TSNAX: variants seen among roughly 807,000 people sequenced by gnomAD.
TSNAX encodes the protein translin associated factor X.
A neutral mutation model predicts 33.0 loss-of-function variants in TSNAX; 12 were observed. The ratio of observed to expected loss-of-function variants is 0.36; its 90% CI spans 0.23 to 0.59. The LOEUF (loss-of-function observed/expected upper bound fraction) is 0.59, where lower values mean the gene tolerates loss of function less well. TSNAX is among the 20% of genes least tolerant of loss of function. The probability of loss-of-function intolerance (pLI) is 0.74; values close to 1 mark genes in which losing one functional copy is unlikely to be tolerated. For missense variants in TSNAX, 267 were observed against 341.3 expected (o/e 0.78, Z 1.72); for synonymous variants, 110 against 117.2 (o/e 0.94, Z 0.40).
rs79527811 is a variant in TSNAX at position 231,546,711 on chromosome 1, G to A, written c.367+4100G>A. ...GCAGTGACTTAACAAACTAGAAATCGTTATCTTTCTCTCTTGAAGACCAGG... is the reference window on the plus strand; with the variant it reads ...GCAGTGACTTAACAAACTAGAAATCATTATCTTTCTCTCTTGAAGACCAGG... On this transcript the variant is annotated intron_variant, in intron 4 of 5. Coordinates refer to ENST00000366639, the MANE Select transcript of TSNAX (RefSeq NM_005999.3). Among the ~76,000 whole-genome samples, 108 of 152,312 alleles carry A rather than the reference G, an allele frequency of 7.1e-4. No individual in the cohort carries two copies. In the East Asian group the frequency reaches 0.02, roughly 29 times the overall value.
At position 231,561,347 on chromosome 1, in the gene TSNAX, G is replaced by GAAAGAAC. The variant is rs1422874854; in HGVS notation, c.495+93_495+94insAAGAACA. On this transcript the variant is annotated intron_variant, in intron 5 of 5. Coordinates refer to ENST00000366639, the MANE Select transcript of TSNAX (RefSeq NM_005999.3). ...ATTTACTGGCTTATGCTAAGATTGA[G>GAAAGAAC]ATGGGAATGTTCTTTCTAAAGTATG... The GAAAGAAC allele has an allele frequency of 2.9e-6, 3 of 1,039,448 alleles. No individual in the cohort carries two copies. The African/African-American group carries it at 5.0e-5, about 17-fold the overall frequency. 64.4% of individuals were successfully genotyped at this position (1,039,448 alleles called of 1,614,324 possible). A position where few individuals can be genotyped will look rare whatever the true frequency, so the allele number is the denominator to read the frequency against.
chr1:231,560,437 G>A (rs1661023320), intron 4 of TSNAX, among the ~76,000 whole-genome samples: 1 of 84,224 alleles, frequency 1.2e-5, no homozygotes, highest in African/African-American at 4.7e-5. Context: ...TTTTTGAGAC[G>A]AAGTCTCGCT....
Position 231,560,643 on chromosome 1 carries a change from C to G in TSNAX, c.368-485C>G, listed in dbSNP as rs1041440157. Among the ~76,000 whole-genome samples, 7 of 151,986 alleles carry G rather than the reference C, an allele frequency of 4.6e-5. 1 individual carries two copies. The highest frequency in any genetic ancestry group is 1.3e-4 in the Admixed American group (2 of 15,256). On this transcript the variant is annotated intron_variant, in intron 4 of 5. Coordinates refer to ENST00000366639, the MANE Select transcript of TSNAX (RefSeq NM_005999.3). ...ATGTTGGCCAGGATGGTCTCAAACT[C>G]CTGACCTCAGGTGATCCGCCCACCT...
chr1:231,531,817 T>G (rs990265454), intron 2 of TSNAX, among the ~76,000 whole-genome samples: 22 of 152,114 alleles, frequency 1.4e-4, no homozygotes, highest in Admixed American at 1.3e-3. Context: ...GTTAAGTGGT[T>G]TAAGGGTATT....
In TSNAX at chr1:231,565,113, G is replaced by GT; in HGVS notation, c.*211dup. On this transcript the variant is annotated 3_prime_UTR_variant, in exon 6 of 6. Transcript: ENST00000366639. Reference sequence around the variant, plus strand: ...TATTCATGAAAGTTTGCATACAGATGTTTGCATATATGCCTTTTTGAATTT... The same window carrying GT: ...TATTCATGAAAGTTTGCATACAGATGTTTTGCATATATGCCTTTTTGAATTT... 1.7e-6 allele frequency: 1 copy of GT among 599,824 alleles called. No individual in the cohort carries two copies. The highest frequency in any genetic ancestry group is 2.5e-5 in the South Asian group (1 of 39,654). The allele number at this position is 599,824 out of a possible 1,614,324, so 37.2% of individuals were successfully genotyped here.
intron 4 of TSNAX, among the ~76,000 whole-genome samples, chr1:231,550,108 G>A (rs1474239408): frequency 2.0e-5 from 3 of 152,114 alleles, no homozygotes; most frequent in Non-Finnish European, 4.4e-5. Context: ...CACCTCAATG[G>A]ACTAATTTTA....
At chr1:231,561,924 T>C (rs934782021) in intron 5 of TSNAX, among the ~76,000 whole-genome samples, 6 of 152,220 alleles carry the variant, frequency 3.9e-5, no homozygotes, top group Non-Finnish European at 8.8e-5. Flanking sequence ...AGTTTTTATA[T>C]AGTGAGAGCT....
chr1:231,532,412 C>G lies in TSNAX; in HGVS notation c.121+3053C>G, dbSNP rs560611115. Among the ~76,000 whole-genome samples, 68 of 151,776 alleles carry G rather than the reference C, an allele frequency of 4.5e-4. 2 individuals are homozygous for G. Among genetic ancestry groups the G allele is most frequent in the Non-Finnish European group, 1.0e-4 (7 of 67,950 alleles). The stretch of plus-strand genomic sequence containing the variant: ...CTCACTGTGTTGCCCCTGCTGGTCT[C>G]GAACTCCTGGGCTCAAGTGATCTGT... On this transcript the variant is annotated intron_variant, in intron 2 of 5. Transcript: ENST00000366639.
chr1:231,553,372 A>AT (rs768132314), intron 4 of TSNAX, among the ~76,000 whole-genome samples: 12 of 152,338 alleles, frequency 7.9e-5, no homozygotes, highest in Non-Finnish European at 1.3e-4. Context: ...AAAAATAACA[A>AT]TTTACATAAA....
chr1:231,538,268 AAATT>A (rs1277228316), intron 3 of TSNAX, among the ~76,000 whole-genome samples: 18 of 152,328 alleles, frequency 1.2e-4, no homozygotes, highest in African/African-American at 3.6e-4. Flanking sequence ...CAGAACGGGG[AAATT>A]AATTATAAAA....
intron 4 of TSNAX, among the ~76,000 whole-genome samples, chr1:231,558,710 G>C (rs1660847602): frequency 6.6e-6 from 1 of 152,006 alleles, no homozygotes; most frequent in South Asian, 2.1e-4. Flanking sequence ...TTTTCTTTGG[G>C]GGGGAACTGG....
intron 3 of TSNAX, 39 bp downstream of exon 3, chr1:231,537,366 T>C (rs1375317159): frequency 7.7e-7 from 1 of 1,299,480 alleles, no homozygotes; most frequent in East Asian, 2.4e-5. Flanking sequence ...AGTTTGATAC[T>C]AGCTATTAGA....
At chr1:231,529,409 T>C (rs1420535602) in intron 2 of TSNAX, 50 bp downstream of exon 2, 2 of 1,571,310 alleles carry the variant, frequency 1.3e-6, no homozygotes, top group Non-Finnish European at 1.7e-6. Flanking sequence ...CAAAATTATT[T>C]AGCCATGGTT....
chr1:231,548,928 C>T (rs16854547), intron 4 of TSNAX, among the ~76,000 whole-genome samples: 2,409 of 152,242 alleles, frequency 0.016, 70 homozygotes, highest in African/African-American at 0.055. Context: ...AATATTTAAG[C>T]GAATAATATC....
At chr1:231,530,287 G>C (rs1658590638) in intron 2 of TSNAX, among the ~76,000 whole-genome samples, 1 of 152,232 alleles carries the variant, frequency 6.6e-6, no homozygotes. Flanking sequence ...CCCTTTGGAG[G>C]GAGGAGTCTC....
At chr1:231,530,975 T>TG (rs1478760387) in intron 2 of TSNAX, among the ~76,000 whole-genome samples, 3 of 146,508 alleles carry the variant, frequency 2.0e-5, no homozygotes, top group Non-Finnish European at 4.6e-5. Flanking sequence ...TTTTTTTTTT[T>TG]GAGACAGAGT....
At chr1:231,553,987 A>G (rs934078683) in intron 4 of TSNAX, among the ~76,000 whole-genome samples, 1 of 152,188 alleles carries the variant, frequency 6.6e-6, no homozygotes, top group East Asian at 1.9e-4. Context: ...CGCCTGGCCC[A>G]TGAAATCTAA....
At chr1:231,547,969 T>C (rs1660051429) in intron 4 of TSNAX, among the ~76,000 whole-genome samples, 1 of 151,306 alleles carries the variant, frequency 6.6e-6, no homozygotes, top group Non-Finnish European at 1.5e-5. Context: ...GCTTCCCGAG[T>C]AGCTGGGACT....
At chr1:231,533,589 ACTGT>A (rs1050194266) in intron 2 of TSNAX, among the ~76,000 whole-genome samples, 5 of 152,216 alleles carry the variant, frequency 3.3e-5, no homozygotes, top group African/African-American at 1.2e-4. Context: ...GTAAAGAAAT[ACTGT>A]CTCTTTTTAA....
Sources: gnomAD v4.1 joint callset for allele counts (sites outside exome capture counted in the v4.1 genomes callset) on GRCh38, gnomAD v4.1.1 for gene constraint, MANE v1.5 for transcripts, NCBI Gene and HGNC (gene_info 2026-07-23, HGNC 2026-07-21) for gene names.